The following SH3GLB2 variants were observed in gnomAD, a reference collection of about 807,000 sequenced individuals.
SH3GLB2 encodes endophilin-B2.
A neutral mutation model predicts 48.0 loss-of-function variants in SH3GLB2; 24 were observed. That is an observed-to-expected ratio of 0.50 (90% CI 0.36 to 0.70). The LOEUF (loss-of-function observed/expected upper bound fraction) is 0.70. Among genes scored for constraint, SH3GLB2 ranks in the 30% least tolerant of loss-of-function variants. SH3GLB2 has a pLI of 0.00. For missense variants in SH3GLB2, 425 were observed against 516.0 expected, an observed-to-expected ratio of 0.82 and a Z score of 1.71; for synonymous variants, 227 against 207.6, an observed-to-expected ratio of 1.09 and a Z score of -0.80.
At chr9:129,016,578 A>C (rs1329874981) in intron 3 of SH3GLB2, among the ~76,000 whole-genome samples, 1 of 151,738 alleles carries the variant, frequency 6.6e-6, no homozygotes, top group Non-Finnish European at 1.5e-5. Context: ...TAATCGCTTG[A>C]AACCGGGAGG....
intron 7 of SH3GLB2, 180 bp downstream of exon 7, chr9:129,010,490 G>A (rs910965713): frequency 1.4e-6 from 1 of 703,244 alleles, no homozygotes; most frequent in African/African-American, 1.8e-5. Flanking sequence ...GTGCTACAGG[G>A]TACTGTGGAG....
intron 1 of SH3GLB2, among the ~76,000 whole-genome samples, chr9:129,024,429 C>T (rs546403338): frequency 5.9e-5 from 9 of 151,380 alleles, no homozygotes; most frequent in South Asian, 2.1e-4. Context: ...GGTGTGGTGG[C>T]GGGCACGTGT....
At chr9:129,012,925 C>T (rs994227823) in intron 5 of SH3GLB2, 9 of 1,525,428 alleles carry the variant, frequency 5.9e-6, no homozygotes, top group African/African-American at 2.8e-5. Context: ...GCCCCAAGGA[C>T]GTGGGCTGGC....
At chr9:129,015,024 C>A in intron 3 of SH3GLB2, 120 bp from the exon 4 acceptor site, 5 of 1,351,386 alleles carry the variant, frequency 3.7e-6, no homozygotes, top group Non-Finnish European at 5.0e-6. Flanking sequence ...GTGCAGAATG[C>A]TTTGCCTGGG....
At chr9:129,024,786 C>T (rs1414624506) in intron 1 of SH3GLB2, among the ~76,000 whole-genome samples, 9 of 148,724 alleles carry the variant, frequency 6.1e-5, no homozygotes, top group East Asian at 2.0e-4. Flanking sequence ...CTGGCTAACA[C>T]GGTGAAACCC....
rs758243713 is a variant in SH3GLB2, at chr9:129,008,671, T to TG, written c.*12dup. ...TGCCTAGGCCAGAATGCGGGGGGGA[T>TG]GGGGGCACCTGCCTAGCTGAGCAGT... is the stretch of plus-strand genomic sequence containing the variant. On this transcript the variant is annotated 3_prime_UTR_variant, in exon 11 of 11. Coordinates refer to ENST00000372564, the MANE Select transcript of SH3GLB2 (RefSeq NM_020145.4). 6.2e-7 allele frequency: 1 copy of TG among 1,607,012 alleles called. No homozygotes were observed. The highest frequency in any genetic ancestry group is 8.5e-7 in the Non-Finnish European group (1 of 1,173,818).
chr9:129,009,784 T>C lies in SH3GLB2; in HGVS notation c.826A>G (p.Lys276Glu). The part of the protein sequence containing the change: ...QCYRHMLDLQ[K>E]QLGRFPGTFV... ...CTGGCCCCGCACCTGCCCAGCTGCT[T>C]CTGCAAGTCCAGCATGTGGCGGTAG... is the stretch of plus-strand genomic sequence containing the variant. Residue 276 changes from lysine (K) to glutamate (E), a missense_variant, in exon 9 of 11, where the codon AAG (lysine) becomes GAG (glutamate). Physicochemically the swap from Lys to Glu is moderately conservative, Grantham distance 56 (BLOSUM62 1). Coordinates refer to ENST00000372564, the MANE Select transcript of SH3GLB2 (RefSeq NM_020145.4). 2 of 1,613,364 alleles carry C rather than the reference T, an allele frequency of 1.2e-6. No homozygotes were observed. Among genetic ancestry groups the C allele is most frequent in the East Asian group, 4.5e-5 (2 of 44,858 alleles).
Position 129,014,533 on chromosome 9 carries a change from C to T in SH3GLB2, c.469-30G>A. On this transcript the variant is annotated intron_variant, in intron 4 of 10. Transcript: ENST00000372564. This position sits in a 1 kb window ranked among gnomAD's most constrained non-coding sequence, Gnocchi z 4.1. ...AGGGCAGGGCATGGGGACAGTGAGA[C>T]CCTGGGCTGCCCTGGGAGACCCTGA... The T allele has an allele frequency of 1.3e-6, 2 of 1,547,170 alleles. No individual in the cohort carries two copies. The highest frequency in any genetic ancestry group is 2.7e-5 in the African/African-American group (2 of 73,090).
intron 3 of SH3GLB2, among the ~76,000 whole-genome samples, chr9:129,019,323 G>T (rs1360519802): frequency 2.0e-5 from 3 of 152,070 alleles, no homozygotes; most frequent in African/African-American, 7.3e-5. Flanking sequence ...AAAAGGCAGA[G>T]GTTGCAGTGA....
In SH3GLB2 at chr9:129,007,275, G is replaced by C. The variant is rs1842832737; in HGVS notation, c.*1409C>G. 1 of 152,090 alleles carries C rather than the reference G, an allele frequency of 6.6e-6. No homozygotes were observed. The highest frequency in any genetic ancestry group is 6.6e-5 in the Admixed American group (1 of 15,258). 9.4% of individuals were successfully genotyped at this position (152,090 alleles called of 1,614,324 possible). A position where few individuals can be genotyped will look rare whatever the true frequency, so the allele number is the denominator to read the frequency against. On this transcript the variant is annotated 3_prime_UTR_variant, in exon 11 of 11. Coordinates refer to ENST00000372564, the MANE Select transcript of SH3GLB2 (RefSeq NM_020145.4). Reference sequence around the variant, plus strand: ...GTCCTTGGGCTGAGGGTTTGGCTGGGTGGGCGCTGTCAGATATTCCCTTCC... The same window carrying C: ...GTCCTTGGGCTGAGGGTTTGGCTGGCTGGGCGCTGTCAGATATTCCCTTCC...
At chr9:129,009,697 G>A (rs1332051477) in intron 9 of SH3GLB2, 74 bp downstream of exon 9, 1 of 1,459,804 alleles carries the variant, frequency 6.9e-7, no homozygotes. Flanking sequence ...CTTGCCCAGA[G>A]GAGCTCATGC....
chr9:129,020,206 CAAAAAAA>C (rs60400704), intron 3 of SH3GLB2, among the ~76,000 whole-genome samples: 2 of 22,994 alleles, frequency 8.7e-5, no homozygotes, highest in South Asian at 4.0e-3. Flanking sequence ...ACTCCATCTC[CAAAAAAA>C]AAAAAAAAAA....
intron 5 of SH3GLB2, chr9:129,013,022 G>A: frequency 1.3e-6 from 2 of 1,551,168 alleles, no homozygotes; most frequent in Non-Finnish European, 8.7e-7. Context: ...CCCTCACACT[G>A]AGCCAAGTTA....
rs765455683 is a variant in SH3GLB2, at chr9:129,010,127, C to T, written c.731G>A (p.Ser244Asn). 3.1e-6 allele frequency: 5 copies of T among 1,613,896 alleles called. No individual in the cohort carries two copies. The highest frequency in any genetic ancestry group is 4.2e-6 in the Non-Finnish European group (5 of 1,179,838). The stretch of plus-strand genomic sequence containing the variant: ...GTGGGCAGTGGGACTCACGTGAGTG[C>T]TACTGATTCCCTCCAGCAAGAGACG... ...VTRLLLEGIS[S>N]THVNHLRCLH... Residue 244 changes from serine (S) to asparagine (N), a missense_variant, in exon 8 of 11, where the codon AGC becomes AAC. By Grantham distance (46) the Ser-to-Asn change is conservative (BLOSUM62 1). Transcript: ENST00000372564.
chr9:129,010,067 C>G (rs1418939493), intron 8 of SH3GLB2, 53 bp downstream of exon 8: 2 of 1,563,464 alleles, frequency 1.3e-6, no homozygotes, highest in East Asian at 4.5e-5. Flanking sequence ...GGTTCAGGCA[C>G]ACCTGGTGCC....
At position 129,008,597 on chromosome 9, in the gene SH3GLB2, T is replaced by C; in HGVS notation, c.*87A>G. ...GTGAATTCTCCCCACTCTGAACAAC[T>C]GTGTCACCAACAAACAAGTTAAGTG... On this transcript the variant is annotated 3_prime_UTR_variant, in exon 11 of 11. Transcript: ENST00000372564. 1 of 1,016,444 alleles carries C rather than the reference T, an allele frequency of 9.8e-7. No homozygotes were observed. Among genetic ancestry groups the C allele is most frequent in the Non-Finnish European group, 1.5e-6 (1 of 657,870 alleles). 63.0% of individuals were successfully genotyped at this position (1,016,444 alleles called of 1,614,324 possible).
At chr9:129,023,733 GCAGA>G (rs1843961886) in intron 1 of SH3GLB2, among the ~76,000 whole-genome samples, 1 of 152,086 alleles carries the variant, frequency 6.6e-6, no homozygotes, top group South Asian at 2.1e-4. Flanking sequence ...CAATTATGTA[GCAGA>G]GCTTGGGTTT....
In SH3GLB2 at chr9:129,018,445, C is replaced by T. The variant is rs1303934699; in HGVS notation, c.334+2646G>A. ...ACAAAAAATTAGCTGGGCATGGTGG[C>T]GGGTGCCTGTAATCCCAGCGACTTG... On this transcript the variant is annotated intron_variant, in intron 3 of 10. Coordinates refer to ENST00000372564, the MANE Select transcript of SH3GLB2 (RefSeq NM_020145.4). Among the ~76,000 whole-genome samples, 6 of 150,424 alleles carry T rather than the reference C, an allele frequency of 4.0e-5. No homozygotes were observed. In the East Asian group the frequency reaches 5.8e-4, roughly 15 times the overall value.
intron 1 of SH3GLB2, among the ~76,000 whole-genome samples, chr9:129,026,706 G>C (rs1053486560): frequency 6.6e-6 from 1 of 152,198 alleles, no homozygotes; most frequent in African/African-American, 2.4e-5. Context: ...CCCTAGCAGG[G>C]AACTGGCAGA....
Sources: allele counts gnomAD v4.1 joint callset (sites outside exome capture counted in the v4.1 genomes callset), GRCh38; gene constraint gnomAD v4.1.1; non-coding constraint Gnocchi (gnomAD v3.1); transcripts MANE v1.5; gene names NCBI Gene and HGNC (gene_info 2026-07-23, HGNC 2026-07-21).